RYR3: variants seen among roughly 807,000 people sequenced by gnomAD.
The protein encoded by RYR3 is brain ryanodine receptor-calcium release channel.
RYR3 carries 207 observed loss-of-function variants against 584.3 expected under a neutral mutation model. The ratio of observed to expected loss-of-function variants is 0.35; its 90% CI spans 0.32 to 0.40. The LOEUF (loss-of-function observed/expected upper bound fraction) is 0.40, where lower values mean the gene tolerates loss of function less well. RYR3 is among the 10% of genes least tolerant of loss of function. The pLI, the probability that RYR3 is intolerant of heterozygous loss-of-function variation, is 1.00. For synonymous variants in RYR3, 2,416 were observed against 2,248.5 expected (o/e 1.07, Z -2.11); for missense variants, 5,616 against 6,089.2 (o/e 0.92, Z 2.59).
At chr15:33,661,702 G>A (rs1344215591) in intron 34 of RYR3, among the ~76,000 whole-genome samples, 1 of 152,080 alleles carries the variant, frequency 6.6e-6, no homozygotes, top group Admixed American at 6.5e-5. Flanking sequence ...ATCTATTGCT[G>A]GTCCTGGTCC....
intron 3 of RYR3, among the ~76,000 whole-genome samples, chr15:33,514,844 AC>A (rs959146736): frequency 6.6e-6 from 1 of 151,982 alleles, no homozygotes. Context: ...TACTAAAAAT[AC>A]AAAAAAAAAT....
Position 33,810,606 on chromosome 15 carries a change from GCGA to G in RYR3, c.10156_10158del (p.Asp3386del). The G allele has an allele frequency of 6.2e-7, 1 of 1,614,002 alleles. No homozygotes were observed. The highest frequency in any genetic ancestry group is 8.5e-7 in the Non-Finnish European group (1 of 1,179,874). On this transcript the variant is annotated inframe_deletion, in exon 71 of 104. Coordinates refer to ENST00000634891, the MANE Select transcript of RYR3 (RefSeq NM_001036.6). ...ATTGGTTTGAATATGTGTACTCCAG[GCGA>G]CCAGGAGCTGATCTCCCTCGCAAAA...
At chr15:33,830,839 C>T (rs1423160622) in intron 85 of RYR3, 124 bp from the exon 86 acceptor site, 25 of 930,374 alleles carry the variant, frequency 2.7e-5, no homozygotes, top group Non-Finnish European at 1.6e-6. Flanking sequence ...CACAGGGTCC[C>T]TGGCTCCTGT....
chr15:33,408,144 A>G (rs966430809), intron 1 of RYR3, among the ~76,000 whole-genome samples: 2 of 152,266 alleles, frequency 1.3e-5, no homozygotes, highest in Admixed American at 1.3e-4. Context: ...AGTACCCAAT[A>G]GATTTTAAGC....
chr15:33,572,746 G>A (rs1223169867), intron 12 of RYR3, among the ~76,000 whole-genome samples: 1 of 151,658 alleles, frequency 6.6e-6, no homozygotes, highest in Non-Finnish European at 1.5e-5. Context: ...AGGCCAAGGT[G>A]GGCGAATCAC....
chr15:33,407,915 G>C (rs990846837), intron 1 of RYR3, among the ~76,000 whole-genome samples: 1 of 152,086 alleles, frequency 6.6e-6, no homozygotes. Flanking sequence ...ATTCAAAAGA[G>C]TTAAAACTGA....
chr15:33,581,662 C>T lies in RYR3; in HGVS notation c.1573+19C>T. ...TTGCTGGGTAAGTACACATACAGTG[C>T]CTTCTCCCTGGGATGATTTCCATGG... is the stretch of plus-strand genomic sequence containing the variant. On this transcript the variant is annotated intron_variant, in intron 14 of 103. Coordinates refer to ENST00000634891, the MANE Select transcript of RYR3 (RefSeq NM_001036.6). The T allele has an allele frequency of 1.2e-6, 2 of 1,607,928 alleles. No homozygotes were observed. The highest frequency in any genetic ancestry group is 1.7e-6 in the Non-Finnish European group (2 of 1,175,006).
intron 67 of RYR3, among the ~76,000 whole-genome samples, chr15:33,790,971 C>G (rs938531807): frequency 6.6e-6 from 1 of 152,112 alleles, no homozygotes; most frequent in Non-Finnish European, 1.5e-5. Context: ...TGAGACTGGG[C>G]ATTATATTAA....
Position 33,699,702 on chromosome 15 carries a change from A to G in RYR3, c.6250-2A>G, listed in dbSNP as rs201519200. ...TCTGACACTTTCTACTTCTCCCTAC[A>G]GATTGCATTTCCAAAGATGGTTGCT... On this transcript the variant is annotated splice_acceptor_variant, in intron 40 of 103. Transcript: ENST00000634891. LOFTEE classifies it high-confidence loss of function. The G allele has an allele frequency of 6.2e-7, 1 of 1,613,482 alleles. No individual in the cohort carries two copies. The highest frequency in any genetic ancestry group is 8.5e-7 in the Non-Finnish European group (1 of 1,179,608).
intron 101 of RYR3, 46 bp from the exon 102 acceptor site, chr15:33,861,032 C>CTA: frequency 1.5e-6 from 2 of 1,350,110 alleles, no homozygotes; most frequent in Non-Finnish European, 2.1e-6. Context: ...TCTCTCCTGC[C>CTA]TATATTATGC....
At chr15:33,388,102 A>C (rs554011809) in intron 1 of RYR3, among the ~76,000 whole-genome samples, 63 of 152,230 alleles carry the variant, frequency 4.1e-4, no homozygotes, top group Non-Finnish European at 8.5e-4. Flanking sequence ...ACATTTATGA[A>C]TCTTTTGAGG....
intron 1 of RYR3, among the ~76,000 whole-genome samples, chr15:33,426,811 G>A (rs2044689066): frequency 6.6e-6 from 1 of 152,154 alleles, no homozygotes; most frequent in Admixed American, 6.5e-5. Context: ...TCTGGAGTCT[G>A]GAAGTGTGGG....
At position 33,755,346 on chromosome 15, in the gene RYR3, C is replaced by T. The variant is rs913827366; in HGVS notation, c.8515+166C>T. On this transcript the variant is annotated intron_variant, in intron 58 of 103. Transcript: ENST00000634891. Reference sequence around the variant, plus strand: ...CTTAAAAAAAATCAATCCGGCCGGGCGCTGTGGCTCACACCTGTAATCCCA... The same window carrying T: ...CTTAAAAAAAATCAATCCGGCCGGGTGCTGTGGCTCACACCTGTAATCCCA... Among the ~76,000 whole-genome samples the T allele has an allele frequency of 2.0e-5, 3 of 152,194 alleles. No individual in the cohort carries two copies. The East Asian group carries it at 5.8e-4, about 29-fold the overall frequency.
chr15:33,644,296 C>G lies in RYR3; in HGVS notation c.3557-15C>G. ...TGCCTTCGGGCTAAAGCAGGTCTCT[C>G]TAACTCTTCTGCAGGCTTCGTGCCC... On this transcript the variant is annotated splice_polypyrimidine_tract_variant and intron_variant, in intron 27 of 103. Transcript: ENST00000634891. 1 of 1,599,382 alleles carries G rather than the reference C, an allele frequency of 6.3e-7. No homozygotes were observed. The highest frequency in any genetic ancestry group is 1.7e-5 in the Admixed American group (1 of 58,330).
chr15:33,757,636 C>G, intron 60 of RYR3, 40 bp downstream of exon 60: 1 of 1,592,940 alleles, frequency 6.3e-7, no homozygotes, highest in African/African-American at 1.3e-5. Flanking sequence ...GGTGCTGATG[C>G]AATTTACTTA....
intron 65 of RYR3, among the ~76,000 whole-genome samples, chr15:33,781,746 C>T (rs1398758436): frequency 4.0e-5 from 6 of 151,542 alleles, no homozygotes; most frequent in South Asian, 2.1e-4. Context: ...GAAACATTGC[C>T]AAGATGCCTC....
At chr15:33,468,240 C>T (rs2048645782) in intron 1 of RYR3, among the ~76,000 whole-genome samples, 1 of 152,316 alleles carries the variant, frequency 6.6e-6, no homozygotes, top group East Asian at 1.9e-4. Flanking sequence ...GATGCTATAA[C>T]ATGGTAGCAC....
chr15:33,669,466 C>T lies in RYR3; in HGVS notation c.5722+10C>T, dbSNP rs1263277256. Reference sequence around the variant, plus strand: ...CTTCTCCTTCACTGTGGTAAGCTGCCCAGAGAAAGGCTTTGTCCTTTTTTT... The same window carrying T: ...CTTCTCCTTCACTGTGGTAAGCTGCTCAGAGAAAGGCTTTGTCCTTTTTTT... On this transcript the variant is annotated intron_variant, in intron 37 of 103. Coordinates refer to ENST00000634891, the MANE Select transcript of RYR3 (RefSeq NM_001036.6). The T allele has an allele frequency of 1.9e-6, 3 of 1,609,494 alleles. No homozygotes were observed. Among genetic ancestry groups the T allele is most frequent in the Non-Finnish European group, 2.6e-6 (3 of 1,176,068 alleles).
intron 5 of RYR3, among the ~76,000 whole-genome samples, chr15:33,535,831 G>C (rs2055281566): frequency 6.6e-6 from 1 of 152,160 alleles, no homozygotes; most frequent in African/African-American, 2.4e-5. Context: ...GAATTCTGTT[G>C]ACAGACAAGG....
Sources: gnomAD v4.1 joint callset for allele counts (sites outside exome capture counted in the v4.1 genomes callset) on GRCh38, gnomAD v4.1.1 for gene constraint, MANE v1.5 for transcripts, NCBI Gene and HGNC (gene_info 2026-07-23, HGNC 2026-07-21) for gene names.